Variants in LCN15 observed in about 807,000 individuals in gnomAD.
LCN15 encodes the protein lipocalin 15.
In LCN15, 26 loss-of-function variants were observed where a neutral mutation model predicts 23.1. That is an observed-to-expected ratio of 1.13 (90% CI 0.82 to 1.56). LCN15 has a LOEUF of 1.56. Ranked by LOEUF, LCN15 falls within the 40% of genes most tolerant of loss-of-function variation. The probability of loss-of-function intolerance (pLI) is 0.00; values close to 1 mark genes in which losing one functional copy is unlikely to be tolerated. For missense variants in LCN15, 241 were observed against 239.5 expected (o/e 1.01, Z -0.04); for synonymous variants, 107 against 98.3 (o/e 1.09, Z -0.52).
Position 136,762,280 on chromosome 9 carries a change from TG to T in LCN15, c.427del (p.Gln143ArgfsTer3). On this transcript the variant is annotated frameshift_variant, in exon 5 of 7. Coordinates refer to ENST00000316144, the MANE Select transcript of LCN15 (RefSeq NM_203347.2). LOFTEE classifies it high-confidence loss of function. ...CTTCAGAGCCTGGGGACTCACATCC[TG>T]GGTCCGGCCTGGGCAGAGCAGAGGT... ...STMVQLYSRTQDVSPQALKSF... is the reference protein window; with the variant it reads ...STMVQLYSRTXDVSPQALKSF... The T allele has an allele frequency of 6.3e-7, 1 of 1,587,038 alleles. No individual in the cohort carries two copies. The highest frequency in any genetic ancestry group is 8.6e-7 in the Non-Finnish European group (1 of 1,165,138).
Position 136,763,731 on chromosome 9 carries a change from C to T in LCN15, c.289G>A (p.Gly97Arg). Residue 97 changes from glycine (G) to arginine (R), a missense_variant, in exon 3 of 7, where the codon GGA becomes AGA. Coordinates refer to ENST00000316144, the MANE Select transcript of LCN15 (RefSeq NM_203347.2). Reference sequence around the variant, plus strand: ...GACCTACCCGGGACTCTGAAGTGTCCCTCGGAGCCCACCTTCAGGTACTCG... The same window carrying T: ...GACCTACCCGGGACTCTGAAGTGTCTCTCGGAGCCCACCTTCAGGTACTCG... ...DAEYLKVGSEGHFRVPALGYL... is the reference protein window; with the variant it reads ...DAEYLKVGSERHFRVPALGYL... The T allele has an allele frequency of 6.2e-7, 1 of 1,613,394 alleles. No individual in the cohort carries two copies. The highest frequency in any genetic ancestry group is 8.5e-7 in the Non-Finnish European group (1 of 1,179,926).
intron 6 of LCN15, among the ~76,000 whole-genome samples, chr9:136,760,787 G>T (rs931230039): frequency 6.6e-6 from 1 of 152,254 alleles, no homozygotes; most frequent in Admixed American, 6.5e-5. Flanking sequence ...TGGGGAGGGA[G>T]CCAGGGGCTG....
intron 6 of LCN15, among the ~76,000 whole-genome samples, chr9:136,760,663 C>A (rs1001463981): frequency 6.6e-6 from 1 of 152,250 alleles, no homozygotes; most frequent in African/African-American, 2.4e-5. Flanking sequence ...CTCCGCAAGA[C>A]CCCGCCCGCA....
intron 4 of LCN15, among the ~76,000 whole-genome samples, chr9:136,762,677 G>A (rs1307796580): frequency 1.3e-5 from 2 of 152,136 alleles, no homozygotes; most frequent in Non-Finnish European, 2.9e-5. Context: ...CGAGGCGGAC[G>A]GATCACGAGG....
rs530073941 is a variant in LCN15, at chr9:136,762,299, G to T, written c.419-10C>A. ...ACATCCTGGGTCCGGCCTGGGCAGA[G>T]CAGAGGTCACTGTGAACTCAGCAGC... On this transcript the variant is annotated splice_polypyrimidine_tract_variant and intron_variant, in intron 4 of 6. Transcript: ENST00000316144. 13 of 1,507,004 alleles carry T rather than the reference G, an allele frequency of 8.6e-6. No individual in the cohort carries two copies. The African/African-American group carries it at 1.7e-4, about 19-fold the overall frequency. 93.4% of individuals were successfully genotyped at this position (1,507,004 alleles called of 1,614,324 possible). A position where few individuals can be genotyped will look rare whatever the true frequency, so the allele number is the denominator to read the frequency against.
Position 136,764,479 on chromosome 9 carries a change from A to T in LCN15, c.10T>A (p.Phe4Ile). ...AGGGTCAGGATTGCGCCGAGCAGGA[A>T]TGACATCATCCCCTCCCCTGCCCTC... is the stretch of plus-strand genomic sequence containing the variant. MMS[F>I]LLGAILTLLW... Residue 4 changes from phenylalanine (F) to isoleucine (I), a missense_variant, in exon 1 of 7, where the codon TTC becomes ATC. Phe to Ile is a conservative substitution (Grantham distance 21). Coordinates refer to ENST00000316144, the MANE Select transcript of LCN15 (RefSeq NM_203347.2). 6.2e-7 allele frequency: 1 copy of T among 1,612,558 alleles called. No individual in the cohort carries two copies. Among genetic ancestry groups the T allele is most frequent in the African/African-American group, 1.3e-5 (1 of 75,012 alleles).
chr9:136,761,806 G>C lies in LCN15; in HGVS notation c.*13C>G. 7.8e-7 allele frequency: 1 copy of C among 1,283,746 alleles called. No homozygotes were observed. 79.5% of individuals were successfully genotyped at this position (1,283,746 alleles called of 1,614,324 possible). ...ACCCACCTGGGAAGGGCGGGGGTGG[G>C]GCTCCGGAGGTGTCAGGGCGCCTCC... On this transcript the variant is annotated 3_prime_UTR_variant, in exon 6 of 7. Transcript: ENST00000316144. The surrounding 1 kb of genome is among the most constrained non-coding windows in gnomAD (Gnocchi z 4.2).
intron 3 of LCN15, 50 bp downstream of exon 3, chr9:136,763,663 C>T (rs778794947): frequency 1.3e-6 from 2 of 1,595,638 alleles, no homozygotes; most frequent in Non-Finnish European, 1.7e-6. Context: ...CACGTCACCC[C>T]CAGAGAAGCG....
intron 6 of LCN15, among the ~76,000 whole-genome samples, chr9:136,760,255 C>A (rs1190425907): frequency 6.6e-6 from 1 of 152,222 alleles, no homozygotes; most frequent in African/African-American, 2.4e-5. Flanking sequence ...GCCCACAGAA[C>A]CTTCTGGACA....
At chr9:136,762,095 C>T in intron 5 of LCN15, 93 bp downstream of exon 5, 1 of 879,556 alleles carries the variant, frequency 1.1e-6, no homozygotes, top group Non-Finnish European at 1.7e-6. Flanking sequence ...GCTGCCCGCA[C>T]ACTGCCTGTG....
rs1345192861 is a variant in LCN15 at position 136,761,226 on chromosome 9, G to A, written c.*32+561C>T. 6.6e-6 allele frequency among the ~76,000 whole-genome samples: 1 copy of A among 152,168 alleles called. No homozygotes were observed. The highest frequency in any genetic ancestry group is 1.9e-4 in the East Asian group (1 of 5,192). Reference sequence around the variant, plus strand: ...GTGGACATCTTGATTTTGGACTTCTGGCCTCCAGAACTGGGAGAGATAAAC... The same window carrying A: ...GTGGACATCTTGATTTTGGACTTCTAGCCTCCAGAACTGGGAGAGATAAAC... On this transcript the variant is annotated intron_variant, in intron 6 of 6. Transcript: ENST00000316144. The surrounding 1 kb of genome is among the most constrained non-coding windows in gnomAD (Gnocchi z 4.2).
At chr9:136,762,610 A>G (rs1588313740) in intron 4 of LCN15, among the ~76,000 whole-genome samples, 1 of 152,038 alleles carries the variant, frequency 6.6e-6, no homozygotes, top group Non-Finnish European at 1.5e-5. Flanking sequence ...GAGTTAAAGA[A>G]CCTGAGCCCC....
At chr9:136,763,213 A>ACT (rs1847339429) in intron 4 of LCN15, 144 bp downstream of exon 4, 2 of 560,310 alleles carry the variant, frequency 3.6e-6, no homozygotes. Flanking sequence ...CTCGGCCTAA[A>ACT]AGGCGGGGGG....
In LCN15 at chr9:136,761,824, G is replaced by A. The variant is rs1401616886; in HGVS notation, c.550C>T (p.Pro184Ser). 8 of 1,300,206 alleles carry A rather than the reference G, an allele frequency of 6.2e-6. No homozygotes were observed. The highest frequency in any genetic ancestry group is 5.8e-5 in the East Asian group (2 of 34,248). The allele number at this position is 1,300,206 out of a possible 1,614,324, so 80.5% of individuals were successfully genotyped here. A position where few individuals can be genotyped will look rare whatever the true frequency, so the allele number is the denominator to read the frequency against. Residue 184 changes from proline (P) to serine (S), a missense_variant, in exon 6 of 7, where the codon CCC (proline) becomes TCC (serine). Pro to Ser is a moderately conservative substitution (Grantham distance 74, BLOSUM62 -1). Transcript: ENST00000316144. This position sits in a 1 kb window ranked among gnomAD's most constrained non-coding sequence, Gnocchi z 4.2. ...GGGGTGGGGCTCCGGAGGTGTCAGGGCGCCTCCTTGCTCTCAGGGTTGCAT... is the reference window on the plus strand; with the variant it reads ...GGGGTGGGGCTCCGGAGGTGTCAGGACGCCTCCTTGCTCTCAGGGTTGCAT... ...DACNPESKEA[P>S]
chr9:136,761,907 C>T lies in LCN15; in HGVS notation c.521-54G>A. ...CTGACGGCCAGGACCGCCCTCGCTT[C>T]CCGCAGCCCCCAACCCCTGGGTGCC... On this transcript the variant is annotated intron_variant, in intron 5 of 6. Coordinates refer to ENST00000316144, the MANE Select transcript of LCN15 (RefSeq NM_203347.2). This position sits in a 1 kb window ranked among gnomAD's most constrained non-coding sequence, Gnocchi z 4.2. 1 of 1,299,404 alleles carries T rather than the reference C, an allele frequency of 7.7e-7. No individual in the cohort carries two copies. The highest frequency in any genetic ancestry group is 9.9e-7 in the Non-Finnish European group (1 of 1,013,964). The allele number at this position is 1,299,404 out of a possible 1,614,324, so 80.5% of individuals were successfully genotyped here. A position where few individuals can be genotyped will look rare whatever the true frequency, so the allele number is the denominator to read the frequency against.
At chr9:136,762,125 TG>T in intron 5 of LCN15, 62 bp downstream of exon 5, 1 of 877,594 alleles carries the variant, frequency 1.1e-6, no homozygotes, top group Non-Finnish European at 1.6e-6. Flanking sequence ...GAAGGAAGGG[TG>T]GGCTCATGGG....
Position 136,761,862 on chromosome 9 carries a change from A to T in LCN15, c.521-9T>A. The T allele has an allele frequency of 7.5e-7, 1 of 1,333,168 alleles. No individual in the cohort carries two copies. The highest frequency in any genetic ancestry group is 9.6e-7 in the Non-Finnish European group (1 of 1,040,674). 82.6% of individuals were successfully genotyped at this position (1,333,168 alleles called of 1,614,324 possible). On this transcript the variant is annotated splice_polypyrimidine_tract_variant and intron_variant, in intron 5 of 6. Coordinates refer to ENST00000316144, the MANE Select transcript of LCN15 (RefSeq NM_203347.2). The surrounding 1 kb of genome is among the most constrained non-coding windows in gnomAD (Gnocchi z 4.2). ...CTCAGGGTTGCATGCATCTGTGGGG[A>T]GGAAGACATCCGTGAGATGCTGACG...
In LCN15 at chr9:136,761,764, C is replaced by T; in HGVS notation, c.*32+23G>A. 1 of 1,203,084 alleles carries T rather than the reference C, an allele frequency of 8.3e-7. No individual in the cohort carries two copies. The highest frequency in any genetic ancestry group is 1.0e-6 in the Non-Finnish European group (1 of 952,860). 74.5% of individuals were successfully genotyped at this position (1,203,084 alleles called of 1,614,324 possible). On this transcript the variant is annotated intron_variant, in intron 6 of 6. Transcript: ENST00000316144. The surrounding 1 kb of genome is among the most constrained non-coding windows in gnomAD (Gnocchi z 4.2). The stretch of plus-strand genomic sequence containing the variant: ...GAGGGGAGAGGCAACCAGGGCATCC[C>T]CTGCAGGGCCTGGAGAACCCACCTG...
At chr9:136,764,122 A>G (rs1376522778) in intron 1 of LCN15, 113 bp from the exon 2 acceptor site, 3 of 1,382,076 alleles carry the variant, frequency 2.2e-6, no homozygotes, top group Non-Finnish European at 3.0e-6. Flanking sequence ...CGGAGTGGCC[A>G]TGTCTTGGGT....
Sources: allele counts gnomAD v4.1 joint callset (sites outside exome capture counted in the v4.1 genomes callset), GRCh38; gene constraint gnomAD v4.1.1; non-coding constraint Gnocchi (gnomAD v3.1); transcripts MANE v1.5; gene names NCBI Gene and HGNC (gene_info 2026-07-23, HGNC 2026-07-21).